ARHGAP39: variants seen among roughly 807,000 people sequenced by gnomAD.
ARHGAP39 encodes rho GTPase-activating protein 39.
In ARHGAP39, 44 loss-of-function variants were observed where a neutral mutation model predicts 106.9. The observed-to-expected ratio is 0.41, with a 90% CI of 0.32 to 0.53. The LOEUF is 0.53. Ranked by LOEUF, ARHGAP39 falls within the 20% of genes least tolerant of loss-of-function variation. The pLI is 0.21. For missense variants in ARHGAP39, 1,496 were observed against 1,577.3 expected, an observed-to-expected ratio of 0.95 and a Z score of 0.87; for synonymous variants, 768 against 693.2, an observed-to-expected ratio of 1.11 and a Z score of -1.69.
chr8:144,649,444 C>G, intron 1 of ARHGAP39, among the ~76,000 whole-genome samples: 1 of 149,732 alleles, frequency 6.7e-6, no homozygotes, highest in East Asian at 2.0e-4. Flanking sequence ...AGCGAGACTC[C>G]GTCTCAAAAA....
At chr8:144,579,380 T>G (rs1818885181) in intron 3 of ARHGAP39, among the ~76,000 whole-genome samples, 1 of 152,106 alleles carries the variant, frequency 6.6e-6, no homozygotes, top group Admixed American at 6.5e-5. Flanking sequence ...ACCCTCATAT[T>G]TGCTGGTGGG....
At chr8:144,583,046 G>A (rs1237309262) in intron 2 of ARHGAP39, among the ~76,000 whole-genome samples, 1 of 152,058 alleles carries the variant, frequency 6.6e-6, no homozygotes. Flanking sequence ...CCACTCCACC[G>A]TCCACCGTCC....
At chr8:144,535,324 A>T (rs1564834303) in intron 7 of ARHGAP39, among the ~76,000 whole-genome samples, 1 of 150,884 alleles carries the variant, frequency 6.6e-6, no homozygotes, top group Non-Finnish European at 1.5e-5. Flanking sequence ...ACCAAAATGA[A>T]TTTTTTTTTT....
intron 1 of ARHGAP39, among the ~76,000 whole-genome samples, chr8:144,619,151 C>G (rs745721333): frequency 1.1e-4 from 16 of 152,216 alleles, no homozygotes; most frequent in Non-Finnish European, 1.6e-4. Flanking sequence ...CATGAGTGGG[C>G]AACAGGCGCT....
chr8:144,558,006 A>G (rs1020796861), intron 3 of ARHGAP39, among the ~76,000 whole-genome samples: 8 of 152,360 alleles, frequency 5.3e-5, no homozygotes, highest in Admixed American at 3.3e-4. Flanking sequence ...CAGTGCGGAG[A>G]GACCTCACTT....
chr8:144,611,606 C>T (rs1820491694), intron 1 of ARHGAP39, among the ~76,000 whole-genome samples: 1 of 152,130 alleles, frequency 6.6e-6, no homozygotes, highest in African/African-American at 2.4e-5. Flanking sequence ...TGGTTGTTTC[C>T]TTTGCTCTGA....
At chr8:144,629,619 A>G (rs925939545) in intron 1 of ARHGAP39, among the ~76,000 whole-genome samples, 6 of 152,176 alleles carry the variant, frequency 3.9e-5, no homozygotes, top group East Asian at 3.8e-4. Context: ...GTGAAATTGT[A>G]TTTTTCTTGA....
chr8:144,538,924 G>T (rs979518926), intron 6 of ARHGAP39, among the ~76,000 whole-genome samples: 1 of 151,928 alleles, frequency 6.6e-6, no homozygotes, highest in African/African-American at 2.4e-5. Context: ...TCTTTATCTT[G>T]TTGCTCAACT....
chr8:144,694,684 G>A, the ARHGAP39 span, among the ~76,000 whole-genome samples: 2 of 152,188 alleles, frequency 1.3e-5, no homozygotes, highest in African/African-American at 4.8e-5. Context: ...CAGCGCCATA[G>A]AGTATCTGTC....
intron 1 of ARHGAP39, among the ~76,000 whole-genome samples, chr8:144,672,403 G>T (rs973945207): frequency 2.6e-5 from 4 of 152,228 alleles, no homozygotes; most frequent in Non-Finnish European, 5.9e-5. Flanking sequence ...CAGCCACTCT[G>T]TCAGGATAGT....
At chr8:144,623,356 G>A (rs1047040056) in intron 1 of ARHGAP39, among the ~76,000 whole-genome samples, 1 of 152,222 alleles carries the variant, frequency 6.6e-6, no homozygotes, top group Non-Finnish European at 1.5e-5. Flanking sequence ...TAATGTAAAT[G>A]GACCAATAGT....
chr8:144,583,386 G>A (rs964401900), intron 2 of ARHGAP39, among the ~76,000 whole-genome samples: 1 of 152,248 alleles, frequency 6.6e-6, no homozygotes. Context: ...AGTGGCGCAC[G>A]CATTGTGGGG....
At position 144,645,730 on chromosome 8, in the gene ARHGAP39, G is replaced by A. The variant is rs953156426; in HGVS notation, c.-82+39956C>T. ...AACCCAGACGTGCTCTCAGGAAGCAGAGCGATACACCTTGGATGGCAGAGG... is the reference window on the plus strand; with the variant it reads ...AACCCAGACGTGCTCTCAGGAAGCAAAGCGATACACCTTGGATGGCAGAGG... On this transcript the variant is annotated intron_variant, in intron 1 of 11. Transcript: ENST00000377307. This position sits in a 1 kb window ranked among gnomAD's most constrained non-coding sequence, Gnocchi z 4.4. 6.6e-6 allele frequency among the ~76,000 whole-genome samples: 1 copy of A among 152,266 alleles called. No homozygotes were observed. Among genetic ancestry groups the A allele is most frequent in the Non-Finnish European group, 1.5e-5 (1 of 68,042 alleles).
chr8:144,667,500 C>G (rs990584792), intron 1 of ARHGAP39, among the ~76,000 whole-genome samples: 2 of 152,184 alleles, frequency 1.3e-5, no homozygotes, highest in African/African-American at 2.4e-5. Flanking sequence ...CCTGGGAGAA[C>G]ATAAGCTCCA....
At chr8:144,576,704 G>A (rs566613865) in intron 3 of ARHGAP39, among the ~76,000 whole-genome samples, 5 of 152,336 alleles carry the variant, frequency 3.3e-5, no homozygotes, top group African/African-American at 1.2e-4. Flanking sequence ...GCCCGAAGCC[G>A]TCCATTCTGT....
chr8:144,534,165 G>A lies in ARHGAP39; in HGVS notation c.2652C>T (p.His884=). ...AISTYAKYCY[H]KLQKAALTGA... ...CGGTCAGGGCTGCCTTCTGTAGCTTGTGGTAACAGTACTTGGCATACGTGC... is the reference window on the plus strand; with the variant it reads ...CGGTCAGGGCTGCCTTCTGTAGCTTATGGTAACAGTACTTGGCATACGTGC... The change falls in exon 8 of 12, where the codon CAC becomes CAT. Residue 884 remains histidine (H), a synonymous_variant. Transcript: ENST00000377307. The A allele has an allele frequency of 1.2e-6, 2 of 1,613,480 alleles. No individual in the cohort carries two copies. The highest frequency in any genetic ancestry group is 1.1e-5 in the South Asian group (1 of 91,076).
chr8:144,673,904 G>A (rs1454501706), intron 1 of ARHGAP39, among the ~76,000 whole-genome samples: 2 of 152,242 alleles, frequency 1.3e-5, no homozygotes, highest in Non-Finnish European at 2.9e-5. Context: ...TGCCAGCTCT[G>A]TGCGAGGCTG....
intron 2 of ARHGAP39, among the ~76,000 whole-genome samples, chr8:144,601,879 CTGTG>C (rs371216228): frequency 6.3e-5 from 8 of 126,728 alleles, no homozygotes; most frequent in African/African-American, 1.2e-4. Flanking sequence ...GCTCACGTAC[CTGTG>C]TGTGTCCATG....
At chr8:144,605,716 C>T in intron 1 of ARHGAP39, 21 bp from the exon 2 acceptor site, 2 of 1,161,828 alleles carry the variant, frequency 1.7e-6, no homozygotes, top group Non-Finnish European at 2.5e-6. Context: ...GGAGAAGCAA[C>T]AGTGCTGATA....
Sources: gnomAD v4.1 joint callset for allele counts (sites outside exome capture counted in the v4.1 genomes callset) on GRCh38, gnomAD v4.1.1 for gene constraint, Gnocchi (gnomAD v3.1) non-coding constraint, MANE v1.5 for transcripts, NCBI Gene and HGNC (gene_info 2026-07-23, HGNC 2026-07-21) for gene names.